Variants in TMEM229B observed in about 807,000 individuals in gnomAD.
TMEM229B encodes the protein transmembrane protein 229B.
Under a neutral mutation model 13.7 loss-of-function variants are expected in TMEM229B, and 6 were observed. The ratio of observed to expected loss-of-function variants is 0.44; its 90% CI spans 0.24 to 0.86. TMEM229B has a LOEUF of 0.86. TMEM229B is among the 40% of genes least tolerant of loss of function. The pLI is 0.23. For synonymous variants in TMEM229B, 107 were observed against 102.1 expected (o/e 1.05, Z -0.29); for missense variants, 170 against 236.0 (o/e 0.72, Z 1.83).
At chr14:67,511,477 A>T (rs147063299) in intron 1 of TMEM229B, among the ~76,000 whole-genome samples, 293 of 152,328 alleles carry the variant, frequency 1.9e-3, no homozygotes, top group African/African-American at 6.5e-3. Flanking sequence ...TCTCTTCTAT[A>T]ATACCAGCCA....
chr14:67,483,850 C>T (rs376287070), intron 2 of TMEM229B, among the ~76,000 whole-genome samples: 3 of 152,184 alleles, frequency 2.0e-5, no homozygotes, highest in East Asian at 1.9e-4. Context: ...TCAGGAGGAG[C>T]GGTCCGAACA....
upstream of TMEM229B, among the ~76,000 whole-genome samples, chr14:67,491,122 C>T (rs1056624422): frequency 2.6e-5 from 4 of 152,146 alleles, no homozygotes; most frequent in Non-Finnish European, 4.4e-5. Flanking sequence ...TTCCCATGAC[C>T]GCCTCCTTGG....
At chr14:67,494,395 A>G (rs2032286182) in intron 1 of TMEM229B, among the ~76,000 whole-genome samples, 1 of 152,228 alleles carries the variant, frequency 6.6e-6, no homozygotes, top group South Asian at 2.1e-4. Flanking sequence ...TCAAGGTCAC[A>G]GTGCTAGTAA....
At chr14:67,485,702 C>T (rs1566680225) in intron 2 of TMEM229B, among the ~76,000 whole-genome samples, 2 of 152,202 alleles carry the variant, frequency 1.3e-5, no homozygotes, top group African/African-American at 4.8e-5. Flanking sequence ...GGAAAGCAGC[C>T]AATTGTCATT....
upstream of TMEM229B, among the ~76,000 whole-genome samples, chr14:67,519,396 G>A (rs1422505724): frequency 6.6e-6 from 1 of 152,200 alleles, no homozygotes; most frequent in Non-Finnish European, 1.5e-5. Context: ...AGTAATCGAG[G>A]GTCTCCTCGG....
Position 67,473,937 on chromosome 14 carries a change from G to T in TMEM229B, c.-14C>A, listed in dbSNP as rs755851406. 5 of 1,589,408 alleles carry T rather than the reference G, an allele frequency of 3.1e-6. No individual in the cohort carries two copies. Among genetic ancestry groups the T allele is most frequent in the Non-Finnish European group, 4.3e-6 (5 of 1,168,390 alleles). On this transcript the variant is annotated 5_prime_UTR_variant, in exon 3 of 3. Transcript: ENST00000554480. This position sits in a 1 kb window ranked among gnomAD's most constrained non-coding sequence, Gnocchi z 6.5. ...GGCAGACGCCATGGCGCCGACTGGG[G>T]CTGGCTGCGGGGGGCGCAAGAGAGA...
At chr14:67,519,977 C>G (rs922358565), upstream of TMEM229B, among the ~76,000 whole-genome samples, 1 of 152,148 alleles carries the variant, frequency 6.6e-6, no homozygotes. Context: ...CCCACCTCGG[C>G]CCCCCAAAGT....
chr14:67,473,171 C>G lies in TMEM229B; in HGVS notation c.*249G>C. ...AGCCACAGGCCTCCTGGTACCAACC[C>G]CTGAACTGGGCCGCGATCCATGGAC... is the stretch of plus-strand genomic sequence containing the variant. On this transcript the variant is annotated 3_prime_UTR_variant, in exon 3 of 3. Coordinates refer to ENST00000554480, the MANE Select transcript of TMEM229B (RefSeq NM_001348543.2). This position sits in a 1 kb window ranked among gnomAD's most constrained non-coding sequence, Gnocchi z 6.5. The G allele has an allele frequency of 3.8e-6, 2 of 532,694 alleles. No individual in the cohort carries two copies. Among genetic ancestry groups the G allele is most frequent in the Non-Finnish European group, 3.4e-6 (1 of 297,726 alleles). 33.0% of individuals were successfully genotyped at this position (532,694 alleles called of 1,614,324 possible).
At chr14:67,518,633 C>A (rs527680676), upstream of TMEM229B, among the ~76,000 whole-genome samples, 1 of 152,208 alleles carries the variant, frequency 6.6e-6, no homozygotes, top group Non-Finnish European at 1.5e-5. Flanking sequence ...GACATATATT[C>A]TGAAAGGCAA....
intron 1 of TMEM229B, among the ~76,000 whole-genome samples, chr14:67,487,534 G>A (rs2031950317): frequency 6.6e-6 from 1 of 152,202 alleles, no homozygotes; most frequent in Admixed American, 6.5e-5. Context: ...GGGTACATCT[G>A]TTCTCAAGGG....
upstream of TMEM229B, among the ~76,000 whole-genome samples, chr14:67,491,312 A>G (rs1372179266): frequency 6.6e-6 from 1 of 152,124 alleles, no homozygotes; most frequent in African/African-American, 2.4e-5. Flanking sequence ...ATCTTATTCA[A>G]GAGTTTTTAT....
At chr14:67,528,681 C>T (rs1454543901) in intron 1 of TMEM229B, among the ~76,000 whole-genome samples, 1 of 152,176 alleles carries the variant, frequency 6.6e-6, no homozygotes, top group Non-Finnish European at 1.5e-5. Context: ...CCCATTAAGC[C>T]CCCATTCACC....
chr14:67,517,183 C>T (rs550112728), upstream of TMEM229B, among the ~76,000 whole-genome samples: 1 of 152,302 alleles, frequency 6.6e-6, no homozygotes, highest in South Asian at 2.1e-4. Context: ...GCAGCAAGGC[C>T]TACCTGATGA....
At chr14:67,520,807 T>C (rs1213422467) in intron 1 of TMEM229B, among the ~76,000 whole-genome samples, 1 of 152,250 alleles carries the variant, frequency 6.6e-6, no homozygotes, top group Non-Finnish European at 1.5e-5. Context: ...GACATAAATT[T>C]CCAACTCCTT....
At chr14:67,487,999 T>C (rs2031975520) in intron 1 of TMEM229B, among the ~76,000 whole-genome samples, 1 of 152,240 alleles carries the variant, frequency 6.6e-6, no homozygotes, top group African/African-American at 2.4e-5. Context: ...TTTTTTGTTT[T>C]AATATGAAAG....
chr14:67,500,672 T>C (rs1460220529), intron 1 of TMEM229B, among the ~76,000 whole-genome samples: 2 of 149,836 alleles, frequency 1.3e-5, no homozygotes, highest in Admixed American at 6.7e-5. Flanking sequence ...CCCAGGTTCA[T>C]GCCATTCTCC....
At chr14:67,480,667 C>T (rs1011185197) in intron 2 of TMEM229B, among the ~76,000 whole-genome samples, 1 of 152,146 alleles carries the variant, frequency 6.6e-6, no homozygotes, top group Non-Finnish European at 1.5e-5. Flanking sequence ...TGCACGTATC[C>T]CCCTGGCTCT....
upstream of TMEM229B, among the ~76,000 whole-genome samples, chr14:67,517,986 A>G (rs1053046440): frequency 1.3e-5 from 2 of 152,208 alleles, no homozygotes; most frequent in Non-Finnish European, 2.9e-5. Flanking sequence ...CATCTGTAAC[A>G]GTAAGGGGCC....
At chr14:67,531,261 A>G (rs993285256) in intron 1 of TMEM229B, among the ~76,000 whole-genome samples, 5 of 152,200 alleles carry the variant, frequency 3.3e-5, no homozygotes, top group Admixed American at 3.3e-4. Context: ...CTTAGGCAAC[A>G]GAGCAAGATC....
Sources: gnomAD v4.1 joint callset for allele counts (sites outside exome capture counted in the v4.1 genomes callset) on GRCh38, gnomAD v4.1.1 for gene constraint, Gnocchi (gnomAD v3.1) non-coding constraint, MANE v1.5 for transcripts, NCBI Gene and HGNC (gene_info 2026-07-23, HGNC 2026-07-21) for gene names.